FTO: variants seen among roughly 807,000 people sequenced by gnomAD.
The protein encoded by FTO is alpha-ketoglutarate-dependent dioxygenase FTO.
A neutral mutation model predicts 63.9 loss-of-function variants in FTO; 47 were observed. The ratio of observed to expected loss-of-function variants is 0.74; its 90% confidence interval spans 0.58 to 0.94. FTO has a LOEUF of 0.94. FTO is among the 40% of genes least tolerant of loss of function. FTO has a pLI of 0.00. For missense variants in FTO, 562 were observed against 618.1 expected (o/e 0.91, Z 0.96); for synonymous variants, 207 against 224.4 (o/e 0.92, Z 0.69).
intron 8 of FTO, among the ~76,000 whole-genome samples, chr16:54,104,668 T>G (rs368025710): frequency 1.3e-5 from 2 of 152,190 alleles, no homozygotes; most frequent in Non-Finnish European, 2.9e-5. Flanking sequence ...GGAGAATGCA[T>G]TATCATGTAG....
At chr16:53,992,143 TC>T (rs11359186) in intron 8 of FTO, 43,933 of 152,054 alleles carry the variant, frequency 0.29, 7,316 homozygotes, top group Non-Finnish European at 0.36. Flanking sequence ...GGCTGAACAC[TC>T]CTCCCCTCTC....
chr16:54,057,069 C>T (rs2085453080), intron 8 of FTO, among the ~76,000 whole-genome samples: 1 of 152,154 alleles, frequency 6.6e-6, no homozygotes, highest in Non-Finnish European at 1.5e-5. Context: ...TCAGAGAACA[C>T]TGAAGGTTGG....
Position 54,074,887 on chromosome 16 carries a change from G to A in FTO, c.1365-36875G>A, listed in dbSNP as rs551368287. On this transcript the variant is annotated intron_variant, in intron 8 of 8. Coordinates refer to ENST00000471389, the MANE Select transcript of FTO (RefSeq NM_001080432.3). ...TTTTTCTGTAGCTTTAACCAGAACT[G>A]GAAAGAGGGAGAGAGAGAGAGAGAG... Among the ~76,000 whole-genome samples the A allele has an allele frequency of 5.5e-5, 8 of 144,668 alleles. No individual in the cohort carries two copies. The East Asian group carries it at 1.5e-3, about 26-fold the overall frequency. The allele number at this position is 144,668 out of a possible 152,430, so 94.9% of individuals were successfully genotyped here. A position where few individuals can be genotyped will look rare whatever the true frequency, so the allele number is the denominator to read the frequency against.
chr16:53,950,149 C>A (rs1599065394), intron 8 of FTO, among the ~76,000 whole-genome samples: 20 of 25,996 alleles, frequency 7.7e-4, no homozygotes, highest in Admixed American at 1.8e-3. Flanking sequence ...AAGATATTCA[C>A]ATTTGTAAAA....
At chr16:53,812,400 T>G (rs2078557848) in intron 2 of FTO, among the ~76,000 whole-genome samples, 1 of 152,032 alleles carries the variant, frequency 6.6e-6, no homozygotes, top group African/African-American at 2.4e-5. Flanking sequence ...TTTTTATATT[T>G]TTAGTAGAGA....
chr16:53,704,263 T>C (rs1308619386), intron 1 of FTO, 34 bp downstream of exon 1: 2 of 1,549,188 alleles, frequency 1.3e-6, no homozygotes, highest in Admixed American at 2.0e-5. Flanking sequence ...GAGATCTTCG[T>C]GCGCTGTGAG....
At chr16:53,990,964 A>G (rs1484682667) in intron 8 of FTO, 1 of 152,056 alleles carries the variant, frequency 6.6e-6, no homozygotes, top group Non-Finnish European at 1.5e-5. Flanking sequence ...ATACATTTCT[A>G]ATGACTGAGT....
At chr16:53,752,203 T>C (rs1049291096) in intron 1 of FTO, among the ~76,000 whole-genome samples, 2 of 152,224 alleles carry the variant, frequency 1.3e-5, no homozygotes, top group African/African-American at 4.8e-5. Flanking sequence ...AGGTGTAGAA[T>C]ACTGTTACTA....
intron 8 of FTO, among the ~76,000 whole-genome samples, chr16:53,977,446 C>G (rs1185994188): frequency 6.6e-6 from 1 of 151,998 alleles, no homozygotes; most frequent in African/African-American, 2.4e-5. Context: ...GCTCTCTGAC[C>G]CTGGTTAACA....
At chr16:53,959,179 C>T (rs1385612341) in intron 8 of FTO, among the ~76,000 whole-genome samples, 2 of 152,190 alleles carry the variant, frequency 1.3e-5, no homozygotes, top group Non-Finnish European at 1.5e-5. Flanking sequence ...AAGTAACCTT[C>T]CCAGGGGCAC....
intron 8 of FTO, among the ~76,000 whole-genome samples, chr16:53,980,062 T>G (rs1401854953): frequency 6.6e-6 from 1 of 152,218 alleles, no homozygotes; most frequent in Admixed American, 6.5e-5. Context: ...CTTGCTTAGC[T>G]TAGCTTCATG....
At chr16:54,094,418 T>C (rs534887833) in intron 8 of FTO, among the ~76,000 whole-genome samples, 57 of 152,336 alleles carry the variant, frequency 3.7e-4, no homozygotes, top group Admixed American at 3.5e-3. Context: ...TGAACTACGA[T>C]GTTTTAAAAC....
At chr16:53,895,260 T>G (rs1005560356) in intron 7 of FTO, among the ~76,000 whole-genome samples, 2 of 152,148 alleles carry the variant, frequency 1.3e-5, no homozygotes, top group African/African-American at 4.8e-5. Context: ...TTTTTTTCCC[T>G]GAGTGTCTGT....
chr16:53,764,840 C>T (rs1385145454), intron 1 of FTO, among the ~76,000 whole-genome samples: 1 of 152,086 alleles, frequency 6.6e-6, no homozygotes, highest in Non-Finnish European at 1.5e-5. Context: ...GTGCCTCAGC[C>T]TCCCGAATAG....
At chr16:53,712,563 G>A (rs1485515213) in intron 1 of FTO, among the ~76,000 whole-genome samples, 1 of 152,166 alleles carries the variant, frequency 6.6e-6, no homozygotes, top group African/African-American at 2.4e-5. Context: ...TCGAGTAACA[G>A]TGAGTTCTTG....
In FTO at chr16:53,844,246, G is replaced by A. The variant is rs778545208; in HGVS notation, c.843G>A (p.Glu281=). 7 of 1,613,434 alleles carry A rather than the reference G, an allele frequency of 4.3e-6. No homozygotes were observed. The highest frequency in any genetic ancestry group is 2.2e-5 in the South Asian group (2 of 91,074). ...HVGFKISWDI[E]TPGLAIPLHQ... Reference sequence around the variant, plus strand: ...GTTTTAAGATCTCATGGGACATAGAGACACCTGGTTTGGCGATACCCCTTC... The same window carrying A: ...GTTTTAAGATCTCATGGGACATAGAAACACCTGGTTTGGCGATACCCCTTC... The change falls in exon 4 of 9, where the codon GAG becomes GAA. Residue 281 remains glutamate, a synonymous_variant. Coordinates refer to ENST00000471389, the MANE Select transcript of FTO (RefSeq NM_001080432.3).
chr16:53,869,360 A>G (rs1196665630), intron 4 of FTO, among the ~76,000 whole-genome samples: 1 of 152,008 alleles, frequency 6.6e-6, no homozygotes, highest in African/African-American at 2.4e-5. Context: ...TGAATATAAT[A>G]TGCCTAAGTG....
chr16:53,781,005 G>A (rs2077573817), intron 1 of FTO, among the ~76,000 whole-genome samples: 1 of 152,002 alleles, frequency 6.6e-6, no homozygotes, highest in African/African-American at 2.4e-5. Context: ...CTATTTTTCT[G>A]TCTCTTCTAC....
intron 2 of FTO, among the ~76,000 whole-genome samples, chr16:53,823,850 A>C (rs1408424388): frequency 6.6e-6 from 1 of 152,020 alleles, no homozygotes; most frequent in Non-Finnish European, 1.5e-5. Flanking sequence ...ATGCCATTGC[A>C]CTCTAGCCTG....
Sources: allele counts gnomAD v4.1 joint callset (sites outside exome capture counted in the v4.1 genomes callset), GRCh38; gene constraint gnomAD v4.1.1; transcripts MANE v1.5; gene names NCBI Gene and HGNC (gene_info 2026-07-23, HGNC 2026-07-21).